WFDC13: variants seen among roughly 807,000 people sequenced by gnomAD.
The protein encoded by WFDC13 is WAP four-disulfide core domain protein 13.
In WFDC13, 6 loss-of-function variants were observed where a neutral mutation model predicts 10.9. That is an observed-to-expected ratio of 0.55 (90% CI 0.30 to 1.09). WFDC13 has a LOEUF of 1.09. Among genes scored for constraint, WFDC13 ranks in the 50% least tolerant of loss-of-function variants. The pLI is 0.06. For missense variants in WFDC13, 104 were observed against 109.6 expected, an observed-to-expected ratio of 0.95 and a Z score of 0.23; for synonymous variants, 38 against 39.5, an observed-to-expected ratio of 0.96 and a Z score of 0.14.
chr20:45,702,123 C>T lies in WFDC13; in HGVS notation c.-1C>T. 1 of 1,612,688 alleles carries T rather than the reference C, an allele frequency of 6.2e-7. No individual in the cohort carries two copies. On this transcript the variant is annotated 5_prime_UTR_variant, in exon 1 of 4. Coordinates refer to ENST00000305479, the MANE Select transcript of WFDC13 (RefSeq NM_172005.2). ...ACTTACTCACCCATCCCACTGACAC[C>T]ATGAAGCCTGTGCTGCCTCTCCAGT...
chr20:45,706,037 C>T (rs1338546283), intron 3 of WFDC13, 110 bp downstream of exon 3: 2 of 874,768 alleles, frequency 2.3e-6, no homozygotes, highest in South Asian at 1.5e-5. Context: ...TCAGAATGGC[C>T]TCTCATTACC....
intron 3 of WFDC13, 87 bp downstream of exon 3, chr20:45,706,014 C>A: frequency 8.8e-7 from 1 of 1,142,634 alleles, no homozygotes; most frequent in Non-Finnish European, 1.3e-6. Context: ...AGGGGCACTA[C>A]ATTCCCACAA....
intron 1 of WFDC13, among the ~76,000 whole-genome samples, chr20:45,704,226 C>A (rs1014008287): frequency 6.6e-6 from 1 of 152,172 alleles, no homozygotes; most frequent in Non-Finnish European, 1.5e-5. Flanking sequence ...AGGGTTCTAC[C>A]AAACTCTGTT....
At chr20:45,704,325 G>A (rs1984298143) in intron 1 of WFDC13, 119 bp from the exon 2 acceptor site, 6 of 1,382,870 alleles carry the variant, frequency 4.3e-6, no homozygotes, top group Non-Finnish European at 5.8e-6. Context: ...CCACCACCCT[G>A]GAACCATGCA....
intron 2 of WFDC13, 185 bp downstream of exon 2, chr20:45,704,779 C>T: frequency 2.4e-6 from 3 of 1,274,162 alleles, no homozygotes; most frequent in Non-Finnish European, 3.3e-6. Flanking sequence ...TAGAAAAGCC[C>T]TCCTCCCCTC....
chr20:45,705,754 A>C (rs1984365196), intron 2 of WFDC13, 109 bp from the exon 3 acceptor site: 2 of 1,037,692 alleles, frequency 1.9e-6, no homozygotes, highest in Admixed American at 2.4e-5. Context: ...TGGCAAGAGA[A>C]ATGAGCTTCA....
chr20:45,702,901 G>A (rs1336343529), intron 1 of WFDC13, among the ~76,000 whole-genome samples: 1 of 152,204 alleles, frequency 6.6e-6, no homozygotes, highest in Non-Finnish European at 1.5e-5. Flanking sequence ...AACATCTTCA[G>A]AATACTGGCG....
intron 2 of WFDC13, chr20:45,705,026 C>A (rs776601333): frequency 6.2e-7 from 1 of 1,606,012 alleles, no homozygotes; most frequent in South Asian, 1.1e-5. Context: ...CTCTGGAGAT[C>A]CAGCCCAAAG....
At chr20:45,704,358 T>TCCTGGCAGTTC (rs1008068827) in intron 1 of WFDC13, 86 bp from the exon 2 acceptor site, 44 of 1,519,014 alleles carry the variant, frequency 2.9e-5, no homozygotes, top group African/African-American at 4.2e-5. Context: ...GTGGCAGGTT[T>TCCTGGCAGTTC]CCTGGCAGTT....
chr20:45,705,724 T>C, intron 2 of WFDC13, 139 bp from the exon 3 acceptor site: 5 of 713,504 alleles, frequency 7.0e-6, no homozygotes, highest in Non-Finnish European at 1.1e-5. Context: ...ATTGAGTTTT[T>C]TGAGGTTCTG....
At position 45,705,911 on chromosome 20, in the gene WFDC13, A is replaced by G; in HGVS notation, c.*6A>G. On this transcript the variant is annotated 3_prime_UTR_variant, in exon 3 of 4. Transcript: ENST00000305479. ...TCATCATGCCTGCCAACTGAGGCAT[A>G]TTTCCTAGATCATTTTGTAAGTACA... 1 of 1,614,012 alleles carries G rather than the reference A, an allele frequency of 6.2e-7. No homozygotes were observed. Among genetic ancestry groups the G allele is most frequent in the Non-Finnish European group, 8.5e-7 (1 of 1,179,932 alleles).
chr20:45,703,303 G>A (rs994019413), intron 1 of WFDC13, among the ~76,000 whole-genome samples: 2 of 152,180 alleles, frequency 1.3e-5, no homozygotes, highest in African/African-American at 4.8e-5. Context: ...TGAGAGGCCA[G>A]GGGTGAGTAC....
intron 3 of WFDC13, among the ~76,000 whole-genome samples, chr20:45,707,321 G>C (rs2145647679): frequency 6.6e-6 from 1 of 152,272 alleles, no homozygotes; most frequent in African/African-American, 2.4e-5. Flanking sequence ...ACCAGAAACT[G>C]ACCATATGTG....
In WFDC13 at chr20:45,705,902, C is replaced by A. The variant is rs1984371467; in HGVS notation, c.279C>A (p.Asn93Lys). The change falls in exon 3 of 4, where the codon AAC (asparagine) becomes AAA (lysine). Residue 93 changes from asparagine (N) to lysine (K), a missense_variant. By Grantham distance (94) the Asn-to-Lys change is moderately conservative. Coordinates refer to ENST00000305479, the MANE Select transcript of WFDC13 (RefSeq NM_172005.2). ...GCTCAGAAGTCATCATGCCTGCCAACTGAGGCATATTTCCTAGATCATTTT... is the reference window on the plus strand; with the variant it reads ...GCTCAGAAGTCATCATGCCTGCCAAATGAGGCATATTTCCTAGATCATTTT... Reference protein sequence around the residue: ...HKGSEVIMPAN With the variant: ...HKGSEVIMPAK The A allele has an allele frequency of 6.8e-6, 11 of 1,613,988 alleles. No individual in the cohort carries two copies. Among genetic ancestry groups the A allele is most frequent in the Non-Finnish European group, 9.3e-6 (11 of 1,179,996 alleles).
chr20:45,706,200 C>A (rs1010941290), intron 3 of WFDC13, among the ~76,000 whole-genome samples: 3 of 152,164 alleles, frequency 2.0e-5, no homozygotes, highest in Admixed American at 1.3e-4. Flanking sequence ...AGATCTGAGG[C>A]TTTGTCAAGG....
rs1420325107 is a variant in WFDC13 at position 45,708,763 on chromosome 20, G to C, written c.*928G>C. On this transcript the variant is annotated 3_prime_UTR_variant, in exon 4 of 4. Transcript: ENST00000305479. Reference sequence around the variant, plus strand: ...ATATTCGTAAGCTTTTGTTAAGTTTGTAATTTGTTGCAATTTCTTTTTCAT... The same window carrying C: ...ATATTCGTAAGCTTTTGTTAAGTTTCTAATTTGTTGCAATTTCTTTTTCAT... 2 of 152,198 alleles carry C rather than the reference G, an allele frequency of 1.3e-5. No individual in the cohort carries two copies. The highest frequency in any genetic ancestry group is 4.8e-5 in the African/African-American group (2 of 41,440). 9.4% of individuals were successfully genotyped at this position (152,198 alleles called of 1,614,324 possible).
Position 45,702,227 on chromosome 20 carries a change from G to T in WFDC13, c.88+16G>T. Reference sequence around the variant, plus strand: ...CGTGTTCTGAGTAGGTGCTGGATCTGGGCCCAAGGAGGGAAGTAACATGTG... The same window carrying T: ...CGTGTTCTGAGTAGGTGCTGGATCTTGGCCCAAGGAGGGAAGTAACATGTG... On this transcript the variant is annotated intron_variant, in intron 1 of 3. Coordinates refer to ENST00000305479, the MANE Select transcript of WFDC13 (RefSeq NM_172005.2). 6.2e-7 allele frequency: 1 copy of T among 1,607,066 alleles called. No individual in the cohort carries two copies.
chr20:45,703,539 C>T (rs1363045616), intron 1 of WFDC13, among the ~76,000 whole-genome samples: 1 of 152,076 alleles, frequency 6.6e-6, no homozygotes, highest in Non-Finnish European at 1.5e-5. Context: ...TGACTTTTGC[C>T]CCCAAAGAAA....
chr20:45,704,643 G>A, intron 2 of WFDC13, 49 bp downstream of exon 2: 1 of 1,600,310 alleles, frequency 6.2e-7, no homozygotes, highest in Non-Finnish European at 8.5e-7. Context: ...GCTGGTGGGA[G>A]CCCAGCAGAA....
Sources: gnomAD v4.1 joint callset for allele counts (sites outside exome capture counted in the v4.1 genomes callset) on GRCh38, gnomAD v4.1.1 for gene constraint, MANE v1.5 for transcripts, NCBI Gene and HGNC (gene_info 2026-07-23, HGNC 2026-07-21) for gene names.